Variants in ZFPM1 observed in about 807,000 individuals in gnomAD.
ZFPM1 encodes the protein zinc finger protein, FOG family member 1, also known as zinc finger protein ZFPM1.
In ZFPM1, 28 loss-of-function variants were observed where a neutral mutation model predicts 46.3. The observed-to-expected ratio is 0.60, with a 90% CI of 0.45 to 0.83. The LOEUF (loss-of-function observed/expected upper bound fraction) is 0.83, where lower values mean the gene tolerates loss of function less well. ZFPM1 is among the 40% of genes least tolerant of loss of function. The pLI is 0.00. For missense variants in ZFPM1, 1,878 were observed against 1,432.4 expected (o/e 1.31, Z -5.02); for synonymous variants, 957 against 675.9 (o/e 1.42, Z -6.45).
chr16:88,483,099 G>A (rs928191584), intron 1 of ZFPM1, among the ~76,000 whole-genome samples: 3 of 152,088 alleles, frequency 2.0e-5, no homozygotes, highest in Non-Finnish European at 2.9e-5. Context: ...GTGAGCCCTC[G>A]CCTGGGGCTG....
chr16:88,528,298 C>A, intron 6 of ZFPM1, 60 bp downstream of exon 6: 2 of 1,496,362 alleles, frequency 1.3e-6, no homozygotes, highest in East Asian at 2.4e-5. Context: ...GCAGGCAGGG[C>A]AGGAGAGGGT....
upstream of ZFPM1, among the ~76,000 whole-genome samples, chr16:88,452,722 AC>A (rs1323618809): frequency 1.1e-4 from 17 of 152,228 alleles, no homozygotes; most frequent in African/African-American, 3.4e-4. Context: ...CTAGGGAGGG[AC>A]CAAGGGCTGG....
intron 3 of ZFPM1, among the ~76,000 whole-genome samples, chr16:88,493,239 G>A: frequency 6.8e-6 from 1 of 146,858 alleles, no homozygotes; most frequent in Non-Finnish European, 1.5e-5. Flanking sequence ...GTCCCACGGT[G>A]AGGAGAGCTG....
intron 2 of ZFPM1, 27 bp downstream of exon 2, chr16:88,486,070 CGCCTCCA>C (rs746748125): frequency 1.9e-4 from 306 of 1,592,040 alleles, no homozygotes; most frequent in Non-Finnish European, 2.5e-4. Context: ...CCTCTCACCG[CGCCTCCA>C]GCCGGGGCCT....
intron 1 of ZFPM1, among the ~76,000 whole-genome samples, chr16:88,481,107 G>A (rs866145090): frequency 2.6e-5 from 4 of 152,236 alleles, no homozygotes; most frequent in South Asian, 2.1e-4. Context: ...TTCGGCGTCC[G>A]GCTTAATGAG....
At position 88,471,450 on chromosome 16, in the gene ZFPM1, G is replaced by C. The variant is rs750432134; in HGVS notation, c.41-14489G>C. ...AAGACCCCAAGATGACCATGGCTGC[G>C]GTGGCTCCTGCTCACAGTGGGGGAT... On this transcript the variant is annotated intron_variant, in intron 1 of 9. Coordinates refer to ENST00000319555, the MANE Select transcript of ZFPM1 (RefSeq NM_153813.3). This position sits in a 1 kb window ranked among gnomAD's most constrained non-coding sequence, Gnocchi z 4.1. Among the ~76,000 whole-genome samples the C allele has an allele frequency of 4.0e-5, 6 of 150,914 alleles. No individual in the cohort carries two copies. The highest frequency in any genetic ancestry group is 3.9e-4 in the Admixed American group (6 of 15,208).
intron 3 of ZFPM1, among the ~76,000 whole-genome samples, chr16:88,500,983 G>A (rs1255459387): frequency 6.6e-6 from 1 of 152,066 alleles, no homozygotes; most frequent in African/African-American, 2.4e-5. Flanking sequence ...CTCTAAGGCT[G>A]GCCCCTCCCC....
At chr16:88,490,975 C>T (rs1222285535) in intron 3 of ZFPM1, among the ~76,000 whole-genome samples, 1 of 152,096 alleles carries the variant, frequency 6.6e-6, no homozygotes, top group Non-Finnish European at 1.5e-5. Context: ...GGAGCAGGCC[C>T]AGGACACACC....
chr16:88,489,138 C>T lies in ZFPM1; in HGVS notation c.253C>T (p.Pro85Ser). The stretch of plus-strand genomic sequence containing the variant: ...GCCCACGGAGGAAGAGCCGGGCAGT[C>T]CCTGGAGCGGGCCAGGTAACCACGC... ...PRPTEEEPGS[P>S]WSGPDELEPV... The change falls in exon 3 of 10, where the codon CCC becomes TCC. Residue 85 changes from proline (P) to serine (S), a missense_variant. Coordinates refer to ENST00000319555, the MANE Select transcript of ZFPM1 (RefSeq NM_153813.3). The T allele has an allele frequency of 1.2e-6, 2 of 1,605,854 alleles. No homozygotes were observed. Among genetic ancestry groups the T allele is most frequent in the East Asian group, 2.3e-5 (1 of 44,224 alleles).
Position 88,468,263 on chromosome 16 carries a change from G to C in ZFPM1, c.40+14585G>C, listed in dbSNP as rs565443037. Among the ~76,000 whole-genome samples, 27 of 151,436 alleles carry C rather than the reference G, an allele frequency of 1.8e-4. No individual in the cohort carries two copies. The East Asian group carries it at 5.1e-3, about 28-fold the overall frequency. On this transcript the variant is annotated intron_variant, in intron 1 of 9. Transcript: ENST00000319555. ...GAGCCCACCGTCCCGACGCACCCGC[G>C]AGCCCACTGCCTGCGGCGCACAGAG...
chr16:88,534,226 C>G lies in ZFPM1; in HGVS notation c.2268C>G (p.Pro756=). The G allele has an allele frequency of 2.0e-6, 2 of 984,918 alleles. No individual in the cohort carries two copies. The highest frequency in any genetic ancestry group is 1.8e-5 in the African/African-American group (1 of 56,724). The allele number at this position is 984,918 out of a possible 1,614,324, so 61.0% of individuals were successfully genotyped here. The stretch of plus-strand genomic sequence containing the variant: ...AGCTGCACGCGGCCGGCGCCCCGCC[C>G]CCCCCGCCGCCCGGCCACGCCCCCG... ...LYELHAAGAP[P]PPPPGHAPAP... Residue 756 remains proline (P), a synonymous_variant, in exon 10 of 10, where the codon CCC becomes CCG. Coordinates refer to ENST00000319555, the MANE Select transcript of ZFPM1 (RefSeq NM_153813.3).
intron 4 of ZFPM1, among the ~76,000 whole-genome samples, chr16:88,525,445 A>T (rs1345524715): frequency 6.6e-6 from 1 of 152,242 alleles, no homozygotes; most frequent in East Asian, 1.9e-4. Flanking sequence ...TGTAGGTGAC[A>T]CTGGCTTTTC....
chr16:88,518,739 GGATGGATGGAT>G, intron 4 of ZFPM1, among the ~76,000 whole-genome samples: 1 of 62,926 alleles, frequency 1.6e-5, no homozygotes, highest in African/African-American at 5.8e-5. Flanking sequence ...CTGAGAGGGT[GGATGGATGGAT>G]GGATGGATGG....
rs1303432687 is a variant in ZFPM1 at position 88,536,014 on chromosome 16, G to A, written c.*1035G>A. ...CTCTCTTGCCCAGGCTGGAGTCCCT[G>A]GGATACTCACGGCTCATTGCAGCCT... On this transcript the variant is annotated 3_prime_UTR_variant, in exon 10 of 10. Transcript: ENST00000319555. 2 of 152,072 alleles carry A rather than the reference G, an allele frequency of 1.3e-5. No individual in the cohort carries two copies. The highest frequency in any genetic ancestry group is 4.8e-5 in the African/African-American group (2 of 41,370). The allele number at this position is 152,072 out of a possible 1,614,324, so 9.4% of individuals were successfully genotyped here.
At chr16:88,467,658 C>G (rs988323411) in intron 1 of ZFPM1, among the ~76,000 whole-genome samples, 1 of 152,206 alleles carries the variant, frequency 6.6e-6, no homozygotes, top group African/African-American at 2.4e-5. Flanking sequence ...CCCCTCCCTC[C>G]TCCAGTCACG....
At chr16:88,506,763 TG>T (rs2142412734) in intron 3 of ZFPM1, among the ~76,000 whole-genome samples, 1 of 152,184 alleles carries the variant, frequency 6.6e-6, no homozygotes, top group South Asian at 2.1e-4. Flanking sequence ...TGAGGGGCGC[TG>T]GGGGGACCCA....
Position 88,497,853 on chromosome 16 carries a change from C to A in ZFPM1, c.268+8700C>A, listed in dbSNP as rs908763641. ...GTTATCTGGGCCGAGCTCCATCTGA[C>A]TAATCTCGCCGGCGGAGCGTCTACG... is the stretch of plus-strand genomic sequence containing the variant. On this transcript the variant is annotated intron_variant, in intron 3 of 9. Transcript: ENST00000319555. This position sits in a 1 kb window ranked among gnomAD's most constrained non-coding sequence, Gnocchi z 5.4. Among the ~76,000 whole-genome samples the A allele has an allele frequency of 6.6e-6, 1 of 152,200 alleles. No homozygotes were observed. The highest frequency in any genetic ancestry group is 1.5e-5 in the Non-Finnish European group (1 of 68,032).
chr16:88,526,333 T>C (rs1912318139), intron 4 of ZFPM1, among the ~76,000 whole-genome samples: 1 of 151,952 alleles, frequency 6.6e-6, no homozygotes, highest in African/African-American at 2.4e-5. Context: ...CCCACAGAGG[T>C]CATTCTGGAG....
intron 3 of ZFPM1, among the ~76,000 whole-genome samples, chr16:88,501,892 G>C (rs938978821): frequency 1.3e-5 from 2 of 152,088 alleles, no homozygotes; most frequent in Non-Finnish European, 2.9e-5. Flanking sequence ...CCGCGAGGGG[G>C]CTCCTGGGCC....
Sources: gnomAD v4.1 joint callset for allele counts (sites outside exome capture counted in the v4.1 genomes callset) on GRCh38, gnomAD v4.1.1 for gene constraint, Gnocchi (gnomAD v3.1) non-coding constraint, MANE v1.5 for transcripts, NCBI Gene and HGNC (gene_info 2026-07-23, HGNC 2026-07-21) for gene names.